Variants in MRTFB observed in about 807,000 individuals in gnomAD.
The protein encoded by MRTFB is myocardin-related transcription factor B.
A neutral mutation model predicts 104.2 loss-of-function variants in MRTFB; 29 were observed. That is an observed-to-expected ratio of 0.28 (90% CI 0.21 to 0.38). The LOEUF is 0.38. Among genes scored for constraint, MRTFB ranks in the 10% least tolerant of loss-of-function variants. The probability of loss-of-function intolerance (pLI) is 1.00; values close to 1 mark genes in which losing one functional copy is unlikely to be tolerated. For missense variants in MRTFB, 1,270 were observed against 1,341.6 expected, an observed-to-expected ratio of 0.95 and a Z score of 0.83; for synonymous variants, 535 against 519.5, an observed-to-expected ratio of 1.03 and a Z score of -0.41.
chr16:14,228,435 C>T (rs972746025), intron 8 of MRTFB, among the ~76,000 whole-genome samples: 10 of 151,950 alleles, frequency 6.6e-5, no homozygotes, highest in African/African-American at 1.9e-4. Flanking sequence ...ATTAGCTGGG[C>T]GTGGTGGTAC....
chr16:14,044,123 T>C, the MRTFB span, among the ~76,000 whole-genome samples: 1 of 152,192 alleles, frequency 6.6e-6, no homozygotes, highest in Non-Finnish European at 1.5e-5. Context: ...TAGTCCCTAG[T>C]AAAGGCCTTG....
chr16:14,147,100 C>G (rs1418697531), intron 3 of MRTFB, among the ~76,000 whole-genome samples: 1 of 152,140 alleles, frequency 6.6e-6, no homozygotes, highest in Non-Finnish European at 1.5e-5. Flanking sequence ...TCATGTAATT[C>G]TCAAGGACAT....
chr16:14,185,378 C>T (rs2039917555), intron 3 of MRTFB, among the ~76,000 whole-genome samples: 1 of 152,182 alleles, frequency 6.6e-6, no homozygotes, highest in South Asian at 2.1e-4. Context: ...ATTGATTTTT[C>T]TGTCTGTAAA....
chr16:14,158,317 A>G (rs2038903345), intron 3 of MRTFB, among the ~76,000 whole-genome samples: 1 of 152,220 alleles, frequency 6.6e-6, no homozygotes, highest in African/African-American at 2.4e-5. Context: ...CAATTGGTAA[A>G]TAGCAAGTTA....
At chr16:14,228,631 A>G (rs1392491193) in intron 8 of MRTFB, among the ~76,000 whole-genome samples, 9 of 152,176 alleles carry the variant, frequency 5.9e-5, no homozygotes, top group Non-Finnish European at 1.5e-5. Context: ...ATCCCTGTTC[A>G]TAGCAGCATT....
the MRTFB span, among the ~76,000 whole-genome samples, chr16:14,017,707 A>ATTTTTT: frequency 1.6e-4 from 3 of 18,824 alleles, 1 homozygote; most frequent in Non-Finnish European, 5.4e-4. Flanking sequence ...ATATATATAT[A>ATTTTTT]TATATTTTTT....
At chr16:14,117,059 A>G (rs552641083) in intron 2 of MRTFB, among the ~76,000 whole-genome samples, 1 of 152,326 alleles carries the variant, frequency 6.6e-6, no homozygotes, top group Non-Finnish European at 1.5e-5. Context: ...ATGATTTTCA[A>G]GGGATTGAGG....
chr16:14,030,239 T>C, the MRTFB span, among the ~76,000 whole-genome samples: 2 of 152,160 alleles, frequency 1.3e-5, no homozygotes, highest in Non-Finnish European at 2.9e-5. Flanking sequence ...AATGAGGACA[T>C]TGATGCCCAC....
chr16:14,138,657 T>C (rs952591452), intron 2 of MRTFB, among the ~76,000 whole-genome samples: 1 of 152,232 alleles, frequency 6.6e-6, no homozygotes, highest in Non-Finnish European at 1.5e-5. Context: ...CTGCCCTGCA[T>C]GTGTATAGTT....
chr16:14,241,007 T>C (rs1337664070), intron 10 of MRTFB: 5 of 512,594 alleles, frequency 9.8e-6, no homozygotes, highest in Non-Finnish European at 1.7e-5. Flanking sequence ...TGAGAAAAAT[T>C]GCCTAAACAA....
intron 13 of MRTFB, 47 bp downstream of exon 13, chr16:14,249,128 C>A: frequency 6.3e-7 from 1 of 1,591,562 alleles, no homozygotes; most frequent in Non-Finnish European, 8.6e-7. Context: ...TTTTTACCAT[C>A]CTCCGATCAT....
chr16:14,206,660 G>C (rs969306288), intron 3 of MRTFB, among the ~76,000 whole-genome samples: 2 of 152,240 alleles, frequency 1.3e-5, no homozygotes, highest in South Asian at 4.1e-4. Context: ...TTCTGCCTCA[G>C]CCTGCTGAGT....
In MRTFB at chr16:14,262,017, G is replaced by A. The variant is rs2043798163; in HGVS notation, c.*573G>A. 6.6e-6 allele frequency: 1 copy of A among 152,202 alleles called. No homozygotes were observed. Among genetic ancestry groups the A allele is most frequent in the Admixed American group, 6.5e-5 (1 of 15,280 alleles). 9.4% of individuals were successfully genotyped at this position (152,202 alleles called of 1,614,324 possible). Reference sequence around the variant, plus strand: ...CTTTTGGTTCTATTCAGAAACCTGTGTCGTTTTTTTGGTGTTGTAGTTTAT... The same window carrying A: ...CTTTTGGTTCTATTCAGAAACCTGTATCGTTTTTTTGGTGTTGTAGTTTAT... On this transcript the variant is annotated 3_prime_UTR_variant, in exon 17 of 17. Coordinates refer to ENST00000571589, the MANE Select transcript of MRTFB (RefSeq NM_001308142.2).
chr16:14,094,080 C>T (rs2035230522), intron 2 of MRTFB, among the ~76,000 whole-genome samples: 1 of 146,494 alleles, frequency 6.8e-6, no homozygotes, highest in South Asian at 2.2e-4. Flanking sequence ...GAGGAAGCAG[C>T]TCTTTTAGAT....
chr16:14,220,530 A>G (rs1489575187), intron 8 of MRTFB, among the ~76,000 whole-genome samples: 4 of 152,222 alleles, frequency 2.6e-5, no homozygotes, highest in Non-Finnish European at 5.9e-5. Flanking sequence ...GTCTCCAGCT[A>G]AGTTTTTAAT....
chr16:14,220,645 G>C (rs1479583571), intron 8 of MRTFB, among the ~76,000 whole-genome samples: 1 of 152,208 alleles, frequency 6.6e-6, no homozygotes, highest in Admixed American at 6.5e-5. Context: ...AATATGGTCT[G>C]TTTATTCCCA....
chr16:14,256,222 G>T (rs1167026571), intron 15 of MRTFB, among the ~76,000 whole-genome samples: 2 of 137,862 alleles, frequency 1.5e-5, no homozygotes, highest in African/African-American at 5.8e-5. Context: ...CAGATGGGAT[G>T]AATAGAAGAC....
Position 14,168,212 on chromosome 16 carries a change from A to G in MRTFB, c.154+27452A>G, listed in dbSNP as rs561404267. 2.9e-5 allele frequency among the ~76,000 whole-genome samples: 4 copies of G among 136,996 alleles called. No homozygotes were observed. In the East Asian group the frequency reaches 6.0e-4, roughly 21 times the overall value. 89.9% of individuals were successfully genotyped at this position (136,996 alleles called of 152,430 possible). On this transcript the variant is annotated intron_variant, in intron 3 of 16. Coordinates refer to ENST00000571589, the MANE Select transcript of MRTFB (RefSeq NM_001308142.2). ...TGGTCAGTGGTTTACATTTTTAAAGATAAAATGTGTGTGTGTGTGTGTGTG... is the reference window on the plus strand; with the variant it reads ...TGGTCAGTGGTTTACATTTTTAAAGGTAAAATGTGTGTGTGTGTGTGTGTG...
chr16:14,031,293 A>G, the MRTFB span, among the ~76,000 whole-genome samples: 1 of 152,034 alleles, frequency 6.6e-6, no homozygotes, highest in Non-Finnish European at 1.5e-5. Context: ...CAGGAGGCTA[A>G]GGCAGGAAAC....
Sources: allele counts gnomAD v4.1 joint callset (sites outside exome capture counted in the v4.1 genomes callset), GRCh38; gene constraint gnomAD v4.1.1; transcripts MANE v1.5; gene names NCBI Gene and HGNC (gene_info 2026-07-23, HGNC 2026-07-21).